PAPPA: variants seen among roughly 807,000 people sequenced by gnomAD.
The protein encoded by PAPPA is pappalysin-1.
Under a neutral mutation model 164.0 loss-of-function variants are expected in PAPPA, and 60 were observed. The ratio of observed to expected loss-of-function variants is 0.37; its 90% CI spans 0.30 to 0.45. The LOEUF is 0.45. Ranked by LOEUF, PAPPA falls within the 20% of genes least tolerant of loss-of-function variation. PAPPA has a pLI of 1.00. For missense variants in PAPPA, 1,782 were observed against 2,087.3 expected, an observed-to-expected ratio of 0.85 and a Z score of 2.85; for synonymous variants, 875 against 814.1, an observed-to-expected ratio of 1.07 and a Z score of -1.27.
chr9:116,368,130 G>T (rs1846525957), intron 19 of PAPPA, among the ~76,000 whole-genome samples: 1 of 152,180 alleles, frequency 6.6e-6, no homozygotes, highest in African/African-American at 2.4e-5. Flanking sequence ...ATACTCATAA[G>T]GATGGTGTTG....
intron 3 of PAPPA, among the ~76,000 whole-genome samples, chr9:116,209,104 AT>A (rs759580653): frequency 7.9e-5 from 12 of 152,158 alleles, no homozygotes; most frequent in Non-Finnish European, 1.5e-4. Context: ...CCTGAGACAT[AT>A]GGTGTATGGG....
At chr9:116,332,300 A>C in intron 11 of PAPPA, 33 bp from the exon 12 acceptor site, 1 of 1,599,240 alleles carries the variant, frequency 6.3e-7, no homozygotes, top group Non-Finnish European at 8.6e-7. Context: ...GACTGAGTGC[A>C]CATGTGACCC....
Position 116,154,652 on chromosome 9 carries a change from G to T in PAPPA, c.415+65G>T. 7.9e-7 allele frequency: 1 copy of T among 1,261,320 alleles called. No homozygotes were observed. Among genetic ancestry groups the T allele is most frequent in the South Asian group, 2.8e-5 (1 of 36,032 alleles). The allele number at this position is 1,261,320 out of a possible 1,614,324, so 78.1% of individuals were successfully genotyped here. On this transcript the variant is annotated intron_variant, in intron 1 of 21. Transcript: ENST00000328252. This position sits in a 1 kb window ranked among gnomAD's most constrained non-coding sequence, Gnocchi z 5.2. ...CGGCCCCAGAGGCTCGCGGGTGTCT[G>T]GGCGCGGGTGGCGGGCGGGTCGGGG... is the stretch of plus-strand genomic sequence containing the variant.
intron 7 of PAPPA, among the ~76,000 whole-genome samples, chr9:116,258,020 TA>T (rs1161688917): frequency 6.6e-6 from 1 of 151,966 alleles, no homozygotes; most frequent in East Asian, 1.9e-4. Flanking sequence ...ATATTGCTAA[TA>T]AAAAATCATC....
chr9:116,382,314 C>T, intron 20 of PAPPA, 81 bp from the exon 21 acceptor site: 3 of 849,870 alleles, frequency 3.5e-6, no homozygotes, highest in South Asian at 2.7e-5. Flanking sequence ...TGACAGACAC[C>T]CGAAGGACTG....
chr9:116,259,994 A>G (rs1844982065), intron 7 of PAPPA, among the ~76,000 whole-genome samples: 1 of 152,214 alleles, frequency 6.6e-6, no homozygotes, highest in Non-Finnish European at 1.5e-5. Flanking sequence ...AGTGAAAATA[A>G]ATACGCCAGA....
intron 10 of PAPPA, among the ~76,000 whole-genome samples, chr9:116,314,510 G>A (rs368293196): frequency 2.0e-4 from 31 of 152,172 alleles, no homozygotes; most frequent in African/African-American, 7.2e-4. Flanking sequence ...CATATTCTCC[G>A]TATTCACAAG....
chr9:116,335,823 C>T (rs1846054370), intron 13 of PAPPA, among the ~76,000 whole-genome samples: 2 of 152,186 alleles, frequency 1.3e-5, no homozygotes, highest in Admixed American at 1.3e-4. Context: ...TTGGAATAAG[C>T]AGATGAAATC....
chr9:116,295,819 C>G (rs1045615586), intron 9 of PAPPA, among the ~76,000 whole-genome samples: 10 of 152,148 alleles, frequency 6.6e-5, no homozygotes, highest in South Asian at 2.1e-4. Flanking sequence ...GTCAAGGAAG[C>G]CTTCTCTCAT....
chr9:116,204,303 C>T (rs1165688966), intron 2 of PAPPA, among the ~76,000 whole-genome samples: 1 of 152,180 alleles, frequency 6.6e-6, no homozygotes, highest in African/African-American at 2.4e-5. Context: ...CAGACTAATA[C>T]ATGCACAGAG....
At chr9:116,212,290 G>A (rs140670351) in intron 4 of PAPPA, among the ~76,000 whole-genome samples, 1 of 152,100 alleles carries the variant, frequency 6.6e-6, no homozygotes, top group Non-Finnish European at 1.5e-5. Context: ...TTTGCAAAGA[G>A]AAAATTATGA....
At chr9:116,380,145 T>C (rs1846708886) in intron 20 of PAPPA, among the ~76,000 whole-genome samples, 1 of 152,232 alleles carries the variant, frequency 6.6e-6, no homozygotes, top group South Asian at 2.1e-4. Flanking sequence ...TGTGTGATTA[T>C]GTGATTAAAG....
chr9:116,208,844 G>GTGTGTGTGCA (rs1458981965), intron 3 of PAPPA, among the ~76,000 whole-genome samples: 1 of 152,064 alleles, frequency 6.6e-6, no homozygotes, highest in Admixed American at 6.6e-5. Context: ...GTGTGTGTGC[G>GTGTGTGTGCA]TGTGTGTGCA....
In PAPPA at chr9:116,398,617, A is replaced by ATATC; in HGVS notation, c.*2002_*2005dup. The ATATC allele has an allele frequency of 9.3e-7, 1 of 1,072,012 alleles. No homozygotes were observed. The highest frequency in any genetic ancestry group is 1.3e-5 in the South Asian group (1 of 76,700). The allele number at this position is 1,072,012 out of a possible 1,614,324, so 66.4% of individuals were successfully genotyped here. A position where few individuals can be genotyped will look rare whatever the true frequency, so the allele number is the denominator to read the frequency against. ...TCTCTGGCCAATTACACTAAGAAACATATCAAGGTGCTTTTGGCACAGGTG... is the reference window on the plus strand; with the variant it reads ...TCTCTGGCCAATTACACTAAGAAACATATCTATCAAGGTGCTTTTGGCACAGGTG... On this transcript the variant is annotated 3_prime_UTR_variant, in exon 22 of 22. Coordinates refer to ENST00000328252, the MANE Select transcript of PAPPA (RefSeq NM_002581.5).
At chr9:116,356,004 C>T (rs1461741050) in intron 17 of PAPPA, among the ~76,000 whole-genome samples, 2 of 152,096 alleles carry the variant, frequency 1.3e-5, no homozygotes, top group Non-Finnish European at 1.5e-5. Context: ...AATGCATGGC[C>T]CAGAGCATCT....
intron 7 of PAPPA, among the ~76,000 whole-genome samples, chr9:116,261,978 C>T (rs988956564): frequency 3.9e-5 from 6 of 151,968 alleles, no homozygotes; most frequent in Non-Finnish European, 2.9e-5. Context: ...TTTGGGAGGC[C>T]GAGTGAGGAG....
intron 21 of PAPPA, among the ~76,000 whole-genome samples, chr9:116,385,071 T>G (rs1846789118): frequency 6.6e-6 from 1 of 151,716 alleles, no homozygotes; most frequent in South Asian, 2.1e-4. Flanking sequence ...CCGTCTCTAC[T>G]AAAAATACAA....
intron 6 of PAPPA, 41 bp from the exon 7 acceptor site, chr9:116,235,098 C>G (rs1844643660): frequency 6.2e-7 from 1 of 1,611,560 alleles, no homozygotes; most frequent in Non-Finnish European, 8.5e-7. Context: ...GGGAATAAAG[C>G]TCTTTCCCCA....
In PAPPA at chr9:116,188,245, A is replaced by G. The variant is rs758709651; in HGVS notation, c.1478+29A>G. 5 of 1,517,744 alleles carry G rather than the reference A, an allele frequency of 3.3e-6. No homozygotes were observed. The African/African-American group carries it at 5.5e-5, about 17-fold the overall frequency. The allele number at this position is 1,517,744 out of a possible 1,614,324, so 94.0% of individuals were successfully genotyped here. ...AGACCTTACTGGGCTAAAGATGCCC[A>G]GTTGAAAGTTGAACTTGATGTCCTC... is the stretch of plus-strand genomic sequence containing the variant. On this transcript the variant is annotated intron_variant, in intron 2 of 21. Coordinates refer to ENST00000328252, the MANE Select transcript of PAPPA (RefSeq NM_002581.5).
Sources: gnomAD v4.1 joint callset for allele counts (sites outside exome capture counted in the v4.1 genomes callset) on GRCh38, gnomAD v4.1.1 for gene constraint, Gnocchi (gnomAD v3.1) non-coding constraint, MANE v1.5 for transcripts, NCBI Gene and HGNC (gene_info 2026-07-23, HGNC 2026-07-21) for gene names.